The following KCNK2 variants were observed in gnomAD, a reference collection of about 807,000 sequenced individuals.
KCNK2 encodes the protein potassium two pore domain channel subfamily K member 2, also known as potassium channel subfamily K member 2.
KCNK2 carries 21 observed loss-of-function variants against 40.5 expected under a neutral mutation model. The ratio of observed to expected loss-of-function variants is 0.52; its 90% CI spans 0.37 to 0.75. The LOEUF (loss-of-function observed/expected upper bound fraction) is 0.75, where lower values mean the gene tolerates loss of function less well. KCNK2 is among the 30% of genes least tolerant of loss of function. The pLI, the probability that KCNK2 is intolerant of heterozygous loss-of-function variation, is 0.00. For missense variants in KCNK2, 399 were observed against 531.6 expected (o/e 0.75, Z 2.45); for synonymous variants, 191 against 202.2 (o/e 0.94, Z 0.47).
Position 215,086,473 on chromosome 1 carries a change from A to G in KCNK2, c.152A>G (p.Asp51Gly), listed in dbSNP as rs202247280. ...PTVLASRVES[D>G]TTINVMKWKT... ...GTGCTTGCTTCCCGGGTGGAGAGTG[A>G]CACGACCATTAATGTTATGAAATGG... is the stretch of plus-strand genomic sequence containing the variant. The change falls in exon 2 of 7, where the codon GAC (aspartate) becomes GGC (glycine). Residue 51 changes from aspartate (D) to glycine (G), a missense_variant. Asp to Gly is a moderately conservative substitution (Grantham distance 94). This residue lies in a region of KCNK2 where 279 missense variants were observed against 353.8 expected (regional missense o/e 0.79). Transcript: ENST00000444842. The G allele has an allele frequency of 8.9e-5, 143 of 1,614,006 alleles. No individual in the cohort carries two copies. Among genetic ancestry groups the G allele is most frequent in the Non-Finnish European group, 1.2e-4 (137 of 1,180,028 alleles).
chr1:215,034,692 A>G (rs1242651155), intron 1 of KCNK2, among the ~76,000 whole-genome samples: 17 of 152,100 alleles, frequency 1.1e-4, no homozygotes, highest in Admixed American at 2.6e-4. Flanking sequence ...GCCTTTGTTG[A>G]AACCAGTCAT....
chr1:215,137,941 G>T (rs1464005990), intron 3 of KCNK2, among the ~76,000 whole-genome samples: 1 of 152,150 alleles, frequency 6.6e-6, no homozygotes, highest in Non-Finnish European at 1.5e-5. Context: ...TCTGAAGAGA[G>T]GGTCCACAGC....
chr1:215,185,340 A>G (rs1288221843), intron 5 of KCNK2, among the ~76,000 whole-genome samples: 1 of 152,106 alleles, frequency 6.6e-6, no homozygotes, highest in Non-Finnish European at 1.5e-5. Context: ...TGTTTCTAGT[A>G]CTGTAATCTT....
chr1:215,007,059 A>ATGTGTGTG (rs71816711), intron 1 of KCNK2, among the ~76,000 whole-genome samples: 1 of 98,806 alleles, frequency 1.0e-5, no homozygotes, highest in African/African-American at 4.1e-5. Context: ...GTATATATAT[A>ATGTGTGTG]TGTGTGTGTG....
intron 1 of KCNK2, among the ~76,000 whole-genome samples, chr1:215,077,494 T>C (rs1658985835): frequency 6.6e-6 from 1 of 152,192 alleles, no homozygotes; most frequent in African/African-American, 2.4e-5. Flanking sequence ...TCTACATGCT[T>C]ACATTCTTTG....
rs1417765248 is a variant in KCNK2 at position 215,082,893 on chromosome 1, G to T, written c.-493G>T. 2.6e-5 allele frequency among the ~76,000 whole-genome samples: 4 copies of T among 151,762 alleles called. No homozygotes were observed. Among genetic ancestry groups the T allele is most frequent in the Admixed American group, 2.6e-4 (4 of 15,252 alleles). ...AAAGACATGCGAAGAGGGGCTGAAC[G>T]AGGCTCGCGCACAAAGACGCCGGGG... On this transcript the variant is annotated 5_prime_UTR_variant, in exon 1 of 7. Transcript: ENST00000444842.
chr1:215,010,565 T>C (rs1031535545), intron 1 of KCNK2, among the ~76,000 whole-genome samples: 10 of 152,282 alleles, frequency 6.6e-5, no homozygotes, highest in South Asian at 2.1e-4. Context: ...GCAGAGCTAA[T>C]AGAGGTGCGA....
intron 1 of KCNK2, among the ~76,000 whole-genome samples, chr1:215,047,439 A>G (rs975871797): frequency 3.9e-5 from 6 of 152,108 alleles, no homozygotes; most frequent in Non-Finnish European, 8.8e-5. Context: ...TCGAGAGATT[A>G]AGTAACTTGC....
intron 1 of KCNK2, among the ~76,000 whole-genome samples, chr1:215,012,939 A>G (rs1656458942): frequency 6.6e-6 from 1 of 151,968 alleles, no homozygotes; most frequent in Admixed American, 6.6e-5. Context: ...CATAGTTAAG[A>G]ATTTTTTCCT....
At chr1:215,090,551 G>A (rs1659648965) in intron 2 of KCNK2, among the ~76,000 whole-genome samples, 1 of 152,076 alleles carries the variant, frequency 6.6e-6, no homozygotes, top group Admixed American at 6.6e-5. Context: ...TGGACAACAG[G>A]ATTATATCAG....
chr1:215,096,706 G>A (rs1280220983), intron 2 of KCNK2, among the ~76,000 whole-genome samples: 2 of 151,846 alleles, frequency 1.3e-5, no homozygotes, highest in Non-Finnish European at 2.9e-5. Context: ...GTTTTGATAG[G>A]CAACACAGAC....
intron 2 of KCNK2, among the ~76,000 whole-genome samples, chr1:215,094,333 A>G (rs1264183943): frequency 6.6e-6 from 1 of 152,056 alleles, no homozygotes; most frequent in African/African-American, 2.4e-5. Context: ...ATCTCTGGAA[A>G]AAAGCACTTT....
rs534181331 is a variant in KCNK2 at position 215,174,013 on chromosome 1, G to A, written c.823+1830G>A. On this transcript the variant is annotated intron_variant, in intron 5 of 6. Coordinates refer to ENST00000444842, the MANE Select transcript of KCNK2 (RefSeq NM_001017425.3). ...GTCAATTTTGGCTTTTGTTGCCATTGCTTTTGGTGTTTTAGACATCAAGTC... is the reference window on the plus strand; with the variant it reads ...GTCAATTTTGGCTTTTGTTGCCATTACTTTTGGTGTTTTAGACATCAAGTC... Among the ~76,000 whole-genome samples the A allele has an allele frequency of 3.3e-5, 5 of 152,280 alleles. No homozygotes were observed. The South Asian group carries it at 1.0e-3, about 32-fold the overall frequency.
intron 2 of KCNK2, among the ~76,000 whole-genome samples, chr1:215,094,289 A>C (rs1353045407): frequency 6.6e-6 from 1 of 152,026 alleles, no homozygotes; most frequent in Non-Finnish European, 1.5e-5. Context: ...AAAATGTCTA[A>C]ACATCCCATA....
At chr1:215,202,802 C>T (rs139239442) in intron 6 of KCNK2, among the ~76,000 whole-genome samples, 81 of 152,268 alleles carry the variant, frequency 5.3e-4, no homozygotes, top group African/African-American at 1.7e-3. Context: ...GGTACAGTGA[C>T]TTGTGAAAGG....
At chr1:215,158,860 A>AGT (rs1663063626) in intron 3 of KCNK2, among the ~76,000 whole-genome samples, 4 of 152,072 alleles carry the variant, frequency 2.6e-5, no homozygotes, top group African/African-American at 9.7e-5. Flanking sequence ...TAATCAGTGA[A>AGT]CCCATGTCAA....
In KCNK2 at chr1:215,007,059, A is replaced by G. The variant is rs1344640512; in HGVS notation, c.34+1104A>G. On this transcript the variant is annotated intron_variant, in intron 1 of 6. Coordinates refer to the KCNK2 transcript ENST00000391895. ...TATATGTGTGTGTGTGTATATATAT[A>G]TGTGTGTGTGTGTATATATATATGT... Among the ~76,000 whole-genome samples, 86 of 98,734 alleles carry G rather than the reference A, an allele frequency of 8.7e-4. 1 individual carries two copies. The highest frequency in any genetic ancestry group is 2.0e-3 in the South Asian group (6 of 3,064). 64.8% of individuals were successfully genotyped at this position (98,734 alleles called of 152,430 possible). A position where few individuals can be genotyped will look rare whatever the true frequency, so the allele number is the denominator to read the frequency against.
chr1:215,088,378 G>A (rs970366909), intron 2 of KCNK2, among the ~76,000 whole-genome samples: 7 of 152,100 alleles, frequency 4.6e-5, no homozygotes, highest in Admixed American at 1.3e-4. Context: ...TCTGGAATGA[G>A]GAAAGAGTAT....
chr1:215,094,533 T>C (rs974163315), intron 2 of KCNK2, among the ~76,000 whole-genome samples: 10 of 152,118 alleles, frequency 6.6e-5, no homozygotes, highest in Non-Finnish European at 1.2e-4. Flanking sequence ...TTCCTAGGAC[T>C]CCCCCACGTG....
Sources: allele counts gnomAD v4.1 joint callset (sites outside exome capture counted in the v4.1 genomes callset), GRCh38; gene constraint gnomAD v4.1.1; regional missense constraint gnomAD v4.1.1; transcripts MANE v1.5; gene names NCBI Gene and HGNC (gene_info 2026-07-23, HGNC 2026-07-21).